The following ELK3 variants were observed in gnomAD, a reference collection of about 807,000 sequenced individuals.
ELK3 encodes ETS transcription factor ELK3.
A neutral mutation model predicts 28.9 loss-of-function variants in ELK3; 10 were observed. The observed-to-expected ratio is 0.35, with a 90% CI of 0.21 to 0.59. The LOEUF is 0.59. Ranked by LOEUF, ELK3 falls within the 20% of genes least tolerant of loss-of-function variation. ELK3 has a pLI of 0.82. For missense variants in ELK3, 463 were observed against 517.3 expected (o/e 0.90, Z 1.02); for synonymous variants, 272 against 243.5 (o/e 1.12, Z -1.09).
intron 4 of ELK3, among the ~76,000 whole-genome samples, chr12:96,262,276 C>T (rs1416393921): frequency 3.9e-5 from 6 of 152,164 alleles, no homozygotes; most frequent in African/African-American, 1.4e-4. Flanking sequence ...GCCTTGGTCT[C>T]CCAAATTGCT....
intron 1 of ELK3, 90 bp from the exon 2 acceptor site, chr12:96,223,475 T>C: frequency 8.0e-7 from 1 of 1,244,692 alleles, no homozygotes; most frequent in Non-Finnish European, 1.2e-6. Context: ...AGGGGACAGC[T>C]GAGTTGCCCA....
At chr12:96,229,018 A>G (rs1951723412) in intron 2 of ELK3, among the ~76,000 whole-genome samples, 1 of 152,202 alleles carries the variant, frequency 6.6e-6, no homozygotes, top group Non-Finnish European at 1.5e-5. Flanking sequence ...AGCTGTCTGT[A>G]TATAGCTGAC....
chr12:96,215,305 A>C (rs1489313924), intron 1 of ELK3, among the ~76,000 whole-genome samples: 1 of 152,158 alleles, frequency 6.6e-6, no homozygotes, highest in Non-Finnish European at 1.5e-5. Flanking sequence ...GGAGGCAAAA[A>C]CCTCATACTT....
At chr12:96,264,383 CAA>C (rs1434908514) in intron 4 of ELK3, among the ~76,000 whole-genome samples, 2 of 152,104 alleles carry the variant, frequency 1.3e-5, no homozygotes, top group African/African-American at 4.8e-5. Context: ...GAGGTGAGCT[CAA>C]GAGAGGCAGA....
intron 4 of ELK3, among the ~76,000 whole-genome samples, chr12:96,265,868 A>G (rs897578662): frequency 1.3e-5 from 2 of 152,204 alleles, no homozygotes; most frequent in Admixed American, 6.5e-5. Flanking sequence ...AAGTTCCAGA[A>G]AAGAAACAAA....
intron 1 of ELK3, 26 bp downstream of exon 1, chr12:96,194,731 G>T (rs1254475216): frequency 6.7e-6 from 1 of 149,040 alleles, no homozygotes; most frequent in Non-Finnish European, 1.5e-5. Context: ...TCTGCCTGTT[G>T]CTCGGACACT....
At chr12:96,218,407 T>C (rs1390703309) in intron 1 of ELK3, among the ~76,000 whole-genome samples, 4 of 152,072 alleles carry the variant, frequency 2.6e-5, no homozygotes, top group Admixed American at 2.0e-4. Flanking sequence ...TGATAAAATT[T>C]TGTACATTCA....
At chr12:96,240,307 T>C (rs976938869) in intron 2 of ELK3, among the ~76,000 whole-genome samples, 2 of 152,162 alleles carry the variant, frequency 1.3e-5, no homozygotes, top group African/African-American at 4.8e-5. Flanking sequence ...CAGGGTGATA[T>C]TTATGTTTTG....
intron 2 of ELK3, among the ~76,000 whole-genome samples, chr12:96,228,841 T>A (rs1951722476): frequency 6.6e-6 from 1 of 152,130 alleles, no homozygotes; most frequent in East Asian, 1.9e-4. Context: ...GTTCACCCAT[T>A]GGAAAGTGGT....
At chr12:96,213,800 A>G (rs1951592038) in intron 1 of ELK3, 1 of 151,808 alleles carries the variant, frequency 6.6e-6, no homozygotes, top group African/African-American at 2.4e-5. Flanking sequence ...ATCACAGCTC[A>G]CTGCAGCCTC....
chr12:96,198,498 A>G (rs186161435), intron 1 of ELK3, among the ~76,000 whole-genome samples: 1 of 152,246 alleles, frequency 6.6e-6, no homozygotes, highest in African/African-American at 2.4e-5. Flanking sequence ...AGGGGACTCC[A>G]TTTTTGTTAG....
At position 96,247,542 on chromosome 12, in the gene ELK3, C is replaced by T. The variant is rs1592686737; in HGVS notation, c.810C>T (p.Ser270=). 1 of 1,614,172 alleles carries T rather than the reference C, an allele frequency of 6.2e-7. No individual in the cohort carries two copies. Among genetic ancestry groups the T allele is most frequent in the Non-Finnish European group, 8.5e-7 (1 of 1,180,024 alleles). Residue 270 remains serine (S), a synonymous_variant, in exon 3 of 5, where the codon TCC becomes TCT. Coordinates refer to ENST00000228741, the MANE Select transcript of ELK3 (RefSeq NM_005230.4). The surrounding 1 kb of genome is among the most constrained non-coding windows in gnomAD (Gnocchi z 5.5). ...AGGCCGCCTGCCATGACTCCGATTCCCTGGAGCCCTTGAACCTGTCATCGG... is the reference window on the plus strand; with the variant it reads ...AGGCCGCCTGCCATGACTCCGATTCTCTGGAGCCCTTGAACCTGTCATCGG... ...FLEAACHDSD[S]LEPLNLSSGS...
intron 2 of ELK3, among the ~76,000 whole-genome samples, chr12:96,225,502 C>T (rs1334877171): frequency 6.6e-6 from 1 of 152,252 alleles, no homozygotes; most frequent in Admixed American, 6.5e-5. Flanking sequence ...TATGTTCTGG[C>T]ACTTTCTGTC....
At chr12:96,261,109 A>C (rs978305024) in intron 4 of ELK3, among the ~76,000 whole-genome samples, 1 of 152,200 alleles carries the variant, frequency 6.6e-6, no homozygotes, top group Non-Finnish European at 1.5e-5. Flanking sequence ...TTGCTTGTCA[A>C]GGTTAATGTC....
intron 2 of ELK3, among the ~76,000 whole-genome samples, chr12:96,228,416 CAAAAAAAAAAAAAAAA>C (rs71091236): frequency 0.24 from 16,663 of 69,058 alleles, 1,333 homozygotes; most frequent in South Asian, 0.47. Flanking sequence ...GACTCTGTGT[CAAAAAAAAAAAAAAAA>C]AAAAAAAAAA....
At chr12:96,206,484 T>G (rs907547799) in intron 1 of ELK3, among the ~76,000 whole-genome samples, 3 of 152,060 alleles carry the variant, frequency 2.0e-5, no homozygotes, top group Non-Finnish European at 4.4e-5. Flanking sequence ...GCCCAGCTAA[T>G]TTTTGTATTT....
chr12:96,234,430 A>G (rs1229628258), intron 2 of ELK3, among the ~76,000 whole-genome samples: 1 of 152,126 alleles, frequency 6.6e-6, no homozygotes, highest in Non-Finnish European at 1.5e-5. Context: ...AGCTGCAGGA[A>G]AATTTAGTGG....
At chr12:96,197,774 G>T (rs1951481771) in intron 1 of ELK3, among the ~76,000 whole-genome samples, 1 of 152,136 alleles carries the variant, frequency 6.6e-6, no homozygotes. Flanking sequence ...ATTTATTAAA[G>T]ACCTCCTCTT....
rs1159906888 is a variant in ELK3 at position 96,239,203 on chromosome 12, GATTA to G, written c.208-7733_208-7730del. Reference sequence around the variant, plus strand: ...TTAAATTTTAGTATACCTCTTTTAAGATTAATTTTTCTACCTCCTTTTATTTACA... The same window carrying G: ...TTAAATTTTAGTATACCTCTTTTAAGATTTTTCTACCTCCTTTTATTTACA... On this transcript the variant is annotated intron_variant, in intron 2 of 4. Coordinates refer to ENST00000228741, the MANE Select transcript of ELK3 (RefSeq NM_005230.4). Among the ~76,000 whole-genome samples, 36 of 152,240 alleles carry G rather than the reference GATTA, an allele frequency of 2.4e-4. No homozygotes were observed. The East Asian group carries it at 6.9e-3, about 29-fold the overall frequency.
Sources: gnomAD v4.1 joint callset for allele counts (sites outside exome capture counted in the v4.1 genomes callset) on GRCh38, gnomAD v4.1.1 for gene constraint, Gnocchi (gnomAD v3.1) non-coding constraint, MANE v1.5 for transcripts, NCBI Gene and HGNC (gene_info 2026-07-23, HGNC 2026-07-21) for gene names.